The following KLK10 variants were observed in gnomAD, a reference collection of about 807,000 sequenced individuals.
KLK10 encodes the protein kallikrein-10.
KLK10 carries 27 observed loss-of-function variants against 25.7 expected under a neutral mutation model. That is an observed-to-expected ratio of 1.05 (90% CI 0.77 to 1.45). The LOEUF (loss-of-function observed/expected upper bound fraction) is 1.45. Among genes scored for constraint, KLK10 ranks in the 40% most tolerant of loss-of-function variants. The pLI, the probability that KLK10 is intolerant of heterozygous loss-of-function variation, is 0.00. For synonymous variants in KLK10, 173 were observed against 160.1 expected (o/e 1.08, Z -0.61); for missense variants, 386 against 370.0 (o/e 1.04, Z -0.35).
chr19:51,014,941 T>C lies in KLK10; in HGVS notation c.690A>G (p.Gly230=), dbSNP rs143408931. ...GGGTCTCGTCACAGACCAGGGGGCCTCCAGAGTCACTCTGGGGGTGGCAGG... is the reference window on the plus strand; with the variant it reads ...GGGTCTCGTCACAGACCAGGGGGCCCCCAGAGTCACTCTGGGGGTGGCAGG... ...RGQDPCQSDS[G]GPLVCDETLQ... Residue 230 remains glycine, a synonymous_variant, in exon 6 of 6, where the codon GGA becomes GGG. Coordinates refer to ENST00000358789, the MANE Select transcript of KLK10 (RefSeq NM_145888.3). The C allele has an allele frequency of 7.3e-4, 1,185 of 1,613,356 alleles. 1 individual carries two copies. The highest frequency in any genetic ancestry group is 9.7e-4 in the Non-Finnish European group (1,144 of 1,179,794).
chr19:51,017,601 G>C (rs1377489731), intron 2 of KLK10, among the ~76,000 whole-genome samples: 1 of 151,884 alleles, frequency 6.6e-6, no homozygotes, highest in African/African-American at 2.4e-5. Flanking sequence ...AGAGGGGCGG[G>C]GATTGAACGC....
intron 2 of KLK10, 85 bp from the exon 3 acceptor site, chr19:51,017,375 G>T: frequency 7.9e-7 from 1 of 1,271,016 alleles, no homozygotes; most frequent in Non-Finnish European, 1.1e-6. Flanking sequence ...ACTGGACTGC[G>T]TTCGGGGACG....
At chr19:51,019,936 C>T (rs959686572), upstream of KLK10, 3 of 152,022 alleles carry the variant, frequency 2.0e-5, no homozygotes, top group African/African-American at 4.8e-5. This position sits in a 1 kb window ranked among gnomAD's most constrained non-coding sequence, Gnocchi z 4.2. Context: ...AACTGGCTTC[C>T]GTGGGGATTC....
intron 4 of KLK10, 145 bp from the exon 5 acceptor site, chr19:51,015,695 T>C (rs1460410095): frequency 8.9e-7 from 1 of 1,124,926 alleles, no homozygotes; most frequent in African/African-American, 1.6e-5. Context: ...CCTCCCCACT[T>C]AGACCCAGGA....
At position 51,019,312 on chromosome 19, in the gene KLK10, G is replaced by C. The variant is rs1261552766; in HGVS notation, c.-9-173C>G. On this transcript the variant is annotated intron_variant, in intron 1 of 5. Coordinates refer to ENST00000358789, the MANE Select transcript of KLK10 (RefSeq NM_145888.3). This position sits in a 1 kb window ranked among gnomAD's most constrained non-coding sequence, Gnocchi z 4.2. ...AGATTCGGGCTGGAACAGCGGTAAT[G>C]GGCACAATTACCCTAATGACGCCCC... 6.6e-6 allele frequency among the ~76,000 whole-genome samples: 1 copy of C among 152,204 alleles called. No individual in the cohort carries two copies. The highest frequency in any genetic ancestry group is 2.4e-5 in the African/African-American group (1 of 41,450).
rs200600770 is a variant in KLK10, at chr19:51,016,028, G to C, written c.398C>G (p.Thr133Arg). 1 of 1,566,082 alleles carries C rather than the reference G, an allele frequency of 6.4e-7. No homozygotes were observed. ...CAGCAACATGAGATCGTGCTCATCCGTTCGCCTTGGCAGGATGGGGCCTGA... is the reference window on the plus strand; with the variant it reads ...CAGCAACATGAGATCGTGCTCATCCCTTCGCCTTGGCAGGATGGGGCCTGA... ...QGSGPILPRR[T>R]DEHDLMLLKL... Residue 133 changes from threonine to arginine, a missense_variant, in exon 4 of 6, where the codon ACG becomes AGG. Physicochemically the swap from Thr to Arg is moderately conservative, Grantham distance 71 (BLOSUM62 -1). Coordinates refer to ENST00000358789, the MANE Select transcript of KLK10 (RefSeq NM_145888.3).
Position 51,016,148 on chromosome 19 carries a change from C to T in KLK10, c.278G>A (p.Trp93Ter), listed in dbSNP as rs1210172594. 1 of 1,582,832 alleles carries T rather than the reference C, an allele frequency of 6.3e-7. No homozygotes were observed. The highest frequency in any genetic ancestry group is 2.3e-5 in the East Asian group (1 of 43,506). ...TAAHCGNKPL[W>*]ARVGDDHLLL... is the part of the protein sequence containing the mutation. ...CAGGTGGTCATCCCCTACTCGAGCC[C>T]ACAGTGGCCTGGGGGAAGGAAGAGG... is the stretch of plus-strand genomic sequence containing the variant. The change falls in exon 4 of 6, where the codon TGG (tryptophan) becomes TAG (stop). Residue 93 changes from tryptophan (W) to a stop codon, truncating the protein, a stop_gained. Coordinates refer to ENST00000358789, the MANE Select transcript of KLK10 (RefSeq NM_145888.3). LOFTEE classifies it high-confidence loss of function.
intron 2 of KLK10, among the ~76,000 whole-genome samples, chr19:51,017,738 C>T (rs937426887): frequency 4.6e-5 from 7 of 151,908 alleles, no homozygotes; most frequent in Non-Finnish European, 7.4e-5. Flanking sequence ...AATCCCAGCA[C>T]TTTGGGAAGC....
rs1410314215 is a variant in KLK10, at chr19:51,015,991, C to T, written c.435G>A (p.Arg145=). The T allele has an allele frequency of 1.3e-6, 2 of 1,571,668 alleles. No homozygotes were observed. The highest frequency in any genetic ancestry group is 1.9e-5 in the Admixed American group (1 of 52,670). The stretch of plus-strand genomic sequence containing the variant: ...GGACGCGGGGCCCCAGCACTACGGG[C>T]CTGGCCAGCTTCAGCAACATGAGAT... ...EHDLMLLKLA[R]PVVLGPRVRA... is the part of the protein sequence containing the mutation. The change falls in exon 4 of 6, where the codon AGG becomes AGA. Residue 145 remains arginine (R), a synonymous_variant. Coordinates refer to ENST00000358789, the MANE Select transcript of KLK10 (RefSeq NM_145888.3).
chr19:51,016,107 C>T lies in KLK10; in HGVS notation c.319G>A (p.Glu107Lys), dbSNP rs773945191. 58 of 1,583,022 alleles carry T rather than the reference C, an allele frequency of 3.7e-5. No individual in the cohort carries two copies. In the South Asian group the frequency reaches 6.3e-4, roughly 17 times the overall value. ...GAGCGAGTGGTCCGGCGGAGCTGCT[C>T]TCCCTGAAGAAGCAGCAGGTGGTCA... The part of the protein sequence containing the change: ...GDDHLLLLQG[E>K]QLRRTTRSVV... Residue 107 changes from glutamate to lysine, a missense_variant, in exon 4 of 6, where the codon GAG becomes AAG. Physicochemically the swap from Glu to Lys is moderately conservative, Grantham distance 56. Coordinates refer to ENST00000358789, the MANE Select transcript of KLK10 (RefSeq NM_145888.3).
intron 5 of KLK10, among the ~76,000 whole-genome samples, 159 bp from the exon 6 acceptor site, chr19:51,015,111 G>C (rs1181760815): frequency 6.6e-6 from 1 of 152,088 alleles, no homozygotes; most frequent in Non-Finnish European, 1.5e-5. Flanking sequence ...TAGGAATGGA[G>C]GTGGACTTCA....
At chr19:51,016,234 G>T in intron 3 of KLK10, 78 bp from the exon 4 acceptor site, 1 of 1,436,618 alleles carries the variant, frequency 7.0e-7, no homozygotes. Flanking sequence ...CGCAGGGCCT[G>T]GAGATAGGAA....
chr19:51,014,582 C>A lies in KLK10; in HGVS notation c.*218G>T. The A allele has an allele frequency of 2.4e-6, 1 of 422,916 alleles. No individual in the cohort carries two copies. The highest frequency in any genetic ancestry group is 4.2e-6 in the Non-Finnish European group (1 of 236,394). The allele number at this position is 422,916 out of a possible 1,614,324, so 26.2% of individuals were successfully genotyped here. On this transcript the variant is annotated 3_prime_UTR_variant, in exon 6 of 6. Transcript: ENST00000358789. ...TGGAATAAACCTTTGCCACCACTTCCTGCATTTCAGCTTCAGTACAGGCAG... is the reference window on the plus strand; with the variant it reads ...TGGAATAAACCTTTGCCACCACTTCATGCATTTCAGCTTCAGTACAGGCAG...
chr19:51,014,536 T>C lies in KLK10; in HGVS notation c.*264A>G, dbSNP rs922381737. 1.7e-5 allele frequency: 5 copies of C among 295,886 alleles called. No homozygotes were observed. The South Asian group carries it at 2.4e-4, about 14-fold the overall frequency. 18.3% of individuals were successfully genotyped at this position (295,886 alleles called of 1,614,324 possible). On this transcript the variant is annotated 3_prime_UTR_variant, in exon 6 of 6. Transcript: ENST00000358789. The stretch of plus-strand genomic sequence containing the variant: ...GTAACTGCTCTCAGAGGCTGGGTGA[T>C]GACCGGCTTCCTGGCTTCTCTGGAA...
rs985216692 is a variant in KLK10, at chr19:51,015,059, A to G, written c.679-107T>C. On this transcript the variant is annotated intron_variant, in intron 5 of 5. Transcript: ENST00000358789. The stretch of plus-strand genomic sequence containing the variant: ...AGGAAGGAGTTGGGTTGGGATAAAG[A>G]CGAGGATGGGATGGGGTTGGAATTA... 5 of 992,922 alleles carry G rather than the reference A, an allele frequency of 5.0e-6. No individual in the cohort carries two copies. In the Admixed American group the frequency reaches 9.0e-5, roughly 18 times the overall value. The allele number at this position is 992,922 out of a possible 1,614,324, so 61.5% of individuals were successfully genotyped here. A position where few individuals can be genotyped will look rare whatever the true frequency, so the allele number is the denominator to read the frequency against.
At chr19:51,015,808 C>G (rs1243222616) in intron 4 of KLK10, 74 bp downstream of exon 4, 1 of 1,382,410 alleles carries the variant, frequency 7.2e-7, no homozygotes, top group Non-Finnish European at 9.6e-7. Flanking sequence ...CCAGCCCATC[C>G]TTCCTCAGAC....
At chr19:51,018,163 T>A (rs1440223087) in intron 2 of KLK10, among the ~76,000 whole-genome samples, 2 of 8,820 alleles carry the variant, frequency 2.3e-4, no homozygotes, top group African/African-American at 7.0e-4. Flanking sequence ...CTGCCCTGTC[T>A]CAAAAAAAAA....
At chr19:51,018,733 G>T in intron 2 of KLK10, 1 of 443,834 alleles carries the variant, frequency 2.3e-6, no homozygotes, top group South Asian at 2.4e-5. Flanking sequence ...ACAAAACACG[G>T]TAGTGTAAAA....
At position 51,017,242 on chromosome 19, in the gene KLK10, T is replaced by C. The variant is rs746655149; in HGVS notation, c.137A>G (p.Glu46Gly). The C allele has an allele frequency of 1.1e-5, 17 of 1,612,296 alleles. No homozygotes were observed. Among genetic ancestry groups the C allele is most frequent in the Non-Finnish European group, 1.4e-5 (17 of 1,179,522 alleles). Residue 46 changes from glutamate to glycine, a missense_variant, in exon 3 of 6, where the codon GAA becomes GGA. By Grantham distance (98) the Glu-to-Gly change is moderately conservative. Coordinates refer to ENST00000358789, the MANE Select transcript of KLK10 (RefSeq NM_145888.3). ...GCGCGCGCACGGGGAGCCATAGGCT[T>C]CGGGGTCCAAGCGCGTGTCGTTTTG... ...LPQNDTRLDPEAYGSPCARGS... is the reference protein window; with the variant it reads ...LPQNDTRLDPGAYGSPCARGS...
Sources: gnomAD v4.1 joint callset for allele counts (sites outside exome capture counted in the v4.1 genomes callset) on GRCh38, gnomAD v4.1.1 for gene constraint, Gnocchi (gnomAD v3.1) non-coding constraint, MANE v1.5 for transcripts, NCBI Gene and HGNC (gene_info 2026-07-23, HGNC 2026-07-21) for gene names.